WSB2: variants seen among roughly 807,000 people sequenced by gnomAD.
WSB2 encodes the protein WD repeat and SOCS box containing 2.
A neutral mutation model predicts 48.8 loss-of-function variants in WSB2; 12 were observed. The ratio of observed to expected loss-of-function variants is 0.25; its 90% confidence interval spans 0.16 to 0.40. WSB2 has a LOEUF of 0.40. Among genes scored for constraint, WSB2 ranks in the 10% least tolerant of loss-of-function variants. The pLI is 1.00. For missense variants in WSB2, 317 were observed against 506.2 expected, an observed-to-expected ratio of 0.63 and a Z score of 3.59; for synonymous variants, 191 against 203.1, an observed-to-expected ratio of 0.94 and a Z score of 0.51.
rs1331352432 is a variant in WSB2 at position 118,043,314 on chromosome 12, G to T, written c.246C>A (p.Ser82Arg). The change falls in exon 3 of 9, where the codon AGC (serine) becomes AGA (arginine). Residue 82 changes from serine (S) to arginine (R), a missense_variant. Transcript: ENST00000315436. Reference sequence around the variant, plus strand: ...CACAGTCCAGCGTCTTCTCTTTTGGGCTGCCCCGCCCTTTCGTCTCATTTT... The same window carrying T: ...CACAGTCCAGCGTCTTCTCTTTTGGTCTGCCCCGCCCTTTCGTCTCATTTT... ...SSKNETKGRG[S>R]PKEKTLDCGQ... 6.2e-7 allele frequency: 1 copy of T among 1,610,892 alleles called. No homozygotes were observed. Among genetic ancestry groups the T allele is most frequent in the African/African-American group, 1.3e-5 (1 of 74,836 alleles).
intron 4 of WSB2, among the ~76,000 whole-genome samples, chr12:118,040,352 G>A (rs1389251970): frequency 6.6e-6 from 1 of 151,998 alleles, no homozygotes; most frequent in Non-Finnish European, 1.5e-5. Flanking sequence ...CCCACTCTTG[G>A]TCACTCTCAC....
chr12:118,052,649 A>G (rs2031876925), intron 1 of WSB2, 171 bp from the exon 2 acceptor site: 5 of 940,654 alleles, frequency 5.3e-6, no homozygotes, highest in South Asian at 1.7e-5. Context: ...ACATTCCACC[A>G]CGGTTACTCA....
At chr12:118,038,187 G>A in intron 5 of WSB2, 101 bp downstream of exon 5, 3 of 1,115,988 alleles carry the variant, frequency 2.7e-6, no homozygotes. Flanking sequence ...CCTTCTATTG[G>A]GGTGGATTTG....
At chr12:118,038,449 C>T (rs532217066) in intron 4 of WSB2, 61 bp from the exon 5 acceptor site, 135 of 1,529,292 alleles carry the variant, frequency 8.8e-5, no homozygotes, top group East Asian at 2.7e-4. Flanking sequence ...GACTGGAGAA[C>T]GGGAGAACTG....
At chr12:118,037,560 C>T (rs907656220) in intron 5 of WSB2, among the ~76,000 whole-genome samples, 3 of 150,940 alleles carry the variant, frequency 2.0e-5, no homozygotes, top group East Asian at 2.0e-4. Flanking sequence ...CCCAGCTACT[C>T]GGGAGGCTGA....
chr12:118,035,308 G>C lies in WSB2; in HGVS notation c.850C>G (p.Pro284Ala). The change falls in exon 7 of 9, where the codon CCC (proline) becomes GCC (alanine). Residue 284 changes from proline (P) to alanine (A), a missense_variant. Around this residue, in one of 2 missense-constraint regions of WSB2, gnomAD observed 189 missense variants for 349.6 expected, o/e 0.54. Coordinates refer to ENST00000315436, the MANE Select transcript of WSB2 (RefSeq NM_018639.5). ...TGGACGTCACTGTCATCCATGGCGG[G>C]GTCAACCTGGGTGTGGCTGGGAAGG... is the stretch of plus-strand genomic sequence containing the variant. ...LRSLHHTQVDPAMDDSDVHIS... is the reference protein window; with the variant it reads ...LRSLHHTQVDAAMDDSDVHIS... 1.2e-6 allele frequency: 2 copies of C among 1,614,108 alleles called. No homozygotes were observed. Among genetic ancestry groups the C allele is most frequent in the East Asian group, 4.5e-5 (2 of 44,878 alleles).
chr12:118,053,932 C>T (rs991390809), intron 1 of WSB2, among the ~76,000 whole-genome samples: 9 of 152,112 alleles, frequency 5.9e-5, no homozygotes, highest in Admixed American at 2.6e-4. Flanking sequence ...ATTTTGACCT[C>T]GCTGAAATCA....
intron 1 of WSB2, 174 bp from the exon 2 acceptor site, chr12:118,052,652 G>A: frequency 1.1e-6 from 1 of 925,418 alleles, no homozygotes; most frequent in South Asian, 1.7e-5. Context: ...TTCCACCACG[G>A]TTACTCAATC....
At chr12:118,048,183 C>T (rs2031780573) in intron 2 of WSB2, among the ~76,000 whole-genome samples, 1 of 152,152 alleles carries the variant, frequency 6.6e-6, no homozygotes, top group South Asian at 2.1e-4. Context: ...CCCACTTCTG[C>T]CTCCCAATGT....
At chr12:118,045,638 G>A (rs2031730743) in intron 2 of WSB2, among the ~76,000 whole-genome samples, 1 of 151,448 alleles carries the variant, frequency 6.6e-6, no homozygotes, top group African/African-American at 2.4e-5. Context: ...CTTGAGCCAG[G>A]AGGCGGAGGT....
At chr12:118,038,741 C>T (rs539417721) in intron 4 of WSB2, among the ~76,000 whole-genome samples, 25 of 152,194 alleles carry the variant, frequency 1.6e-4, no homozygotes, top group African/African-American at 5.8e-4. Flanking sequence ...AATACAGTGG[C>T]GCGATCTCAG....
Position 118,042,687 on chromosome 12 carries a change from C to T in WSB2, c.559+154G>A, listed in dbSNP as rs185885493. The T allele has an allele frequency of 6.3e-5, 76 of 1,208,684 alleles. 1 individual carries two copies. The highest frequency in any genetic ancestry group is 1.5e-4 in the South Asian group (10 of 65,980). 74.9% of individuals were successfully genotyped at this position (1,208,684 alleles called of 1,614,324 possible). A position where few individuals can be genotyped will look rare whatever the true frequency, so the allele number is the denominator to read the frequency against. On this transcript the variant is annotated intron_variant, in intron 4 of 8. Transcript: ENST00000315436. ...GTATTATCTTTGGGGCGGGCAGGGG[C>T]GATTAGGAAAAAACTGTCTAAAAGG...
intron 1 of WSB2, among the ~76,000 whole-genome samples, chr12:118,052,890 T>C (rs2137793807): frequency 6.6e-6 from 1 of 152,290 alleles, no homozygotes; most frequent in East Asian, 1.9e-4. Context: ...AGAAGGAATA[T>C]GTGAAACTCA....
chr12:118,036,502 T>C lies in WSB2; in HGVS notation c.669A>G (p.Leu223=), dbSNP rs149740454. The C allele has an allele frequency of 1.3e-5, 21 of 1,611,198 alleles. No homozygotes were observed. Among genetic ancestry groups the C allele is most frequent in the African/African-American group, 1.1e-4 (8 of 74,834 alleles). Residue 223 remains leucine, a synonymous_variant, in exon 6 of 9, where the codon CTA becomes CTG. Coordinates refer to ENST00000315436, the MANE Select transcript of WSB2 (RefSeq NM_018639.5). ...TTAACGTGTAGGACCTCATGCTCCA[T>C]AGAAAGACCTGTGGAAAGTAAGAAG... ...CSAAGEKSVF[L]WSMRSYTLIR... is the part of the protein sequence containing the mutation.
chr12:118,052,851 G>C (rs1034135820), intron 1 of WSB2, among the ~76,000 whole-genome samples: 1 of 152,112 alleles, frequency 6.6e-6, no homozygotes, highest in Non-Finnish European at 1.5e-5. Context: ...TGCATTTCAG[G>C]TTTCTTCAGA....
At chr12:118,034,397 G>T (rs186538987) in intron 8 of WSB2, 39 bp from the exon 9 acceptor site, 1 of 1,603,530 alleles carries the variant, frequency 6.2e-7, no homozygotes, top group East Asian at 2.2e-5. Flanking sequence ...ACAGAGCTTG[G>T]ATGTTCATGT....
At position 118,034,312 on chromosome 12, in the gene WSB2, A is replaced by G. The variant is rs766902724; in HGVS notation, c.1099T>C (p.Ser367Pro). ...VQFWTAPRVLSSLKHLCRKAL... is the reference protein window; with the variant it reads ...VQFWTAPRVLPSLKHLCRKAL... Reference sequence around the variant, plus strand: ...TTCCGGCATAAGTGCTTCAGTGAGGACAGGACCCTAGGAGCTGTCCAGAAC... The same window carrying G: ...TTCCGGCATAAGTGCTTCAGTGAGGGCAGGACCCTAGGAGCTGTCCAGAAC... Residue 367 changes from serine (S) to proline (P), a missense_variant, in exon 9 of 9, where the codon TCC (serine) becomes CCC (proline). Transcript: ENST00000315436. The G allele has an allele frequency of 3.0e-5, 48 of 1,614,136 alleles. No individual in the cohort carries two copies. The highest frequency in any genetic ancestry group is 4.0e-5 in the Non-Finnish European group (47 of 1,180,046).
At chr12:118,055,551 C>CTTTT (rs989997556) in intron 1 of WSB2, among the ~76,000 whole-genome samples, 1 of 133,726 alleles carries the variant, frequency 7.5e-6, no homozygotes, top group Admixed American at 7.7e-5. Flanking sequence ...ATGAAAATGT[C>CTTTT]TTTTTTTTTT....
At chr12:118,035,931 C>T (rs368400372) in intron 6 of WSB2, 88 of 165,702 alleles carry the variant, frequency 5.3e-4, no homozygotes, top group African/African-American at 1.9e-3. Flanking sequence ...CCAGGCCAGG[C>T]GCAGTGGCTC....
Sources: gnomAD v4.1 joint callset for allele counts (sites outside exome capture counted in the v4.1 genomes callset) on GRCh38, gnomAD v4.1.1 for gene constraint, gnomAD v4.1.1 regional missense constraint, MANE v1.5 for transcripts, NCBI Gene and HGNC (gene_info 2026-07-23, HGNC 2026-07-21) for gene names.